The following RBMS3 variants were observed in gnomAD, a reference collection of about 807,000 sequenced individuals.
The protein encoded by RBMS3 is RNA binding motif single stranded interacting protein 3.
Under a neutral mutation model 66.8 loss-of-function variants are expected in RBMS3, and 27 were observed. The observed-to-expected ratio is 0.40, with a 90% CI of 0.30 to 0.56. RBMS3 has a LOEUF of 0.56. Among genes scored for constraint, RBMS3 ranks in the 20% least tolerant of loss-of-function variants. The pLI, the probability that RBMS3 is intolerant of heterozygous loss-of-function variation, is 0.40. For missense variants in RBMS3, 513 were observed against 549.5 expected (o/e 0.93, Z 0.66); for synonymous variants, 188 against 183.0 (o/e 1.03, Z -0.22).
intron 12 of RBMS3, among the ~76,000 whole-genome samples, chr3:29,964,394 C>G (rs73829212): frequency 6.6e-6 from 1 of 152,180 alleles, no homozygotes; most frequent in African/African-American, 2.4e-5. Flanking sequence ...AGCAGAAATA[C>G]AGTGCCAGGA....
At chr3:29,960,276 C>T (rs1298328139) in intron 12 of RBMS3, among the ~76,000 whole-genome samples, 1 of 152,200 alleles carries the variant, frequency 6.6e-6, no homozygotes, top group East Asian at 1.9e-4. Context: ...AATCTCAAAG[C>T]TCCAAAATGA....
chr3:29,952,605 G>T (rs1695757468), intron 12 of RBMS3, among the ~76,000 whole-genome samples: 1 of 151,720 alleles, frequency 6.6e-6, no homozygotes, highest in African/African-American at 2.4e-5. Flanking sequence ...TGCTTAAAAT[G>T]AAATCTGCTG....
At chr3:29,947,256 G>A (rs1398050225) in intron 12 of RBMS3, among the ~76,000 whole-genome samples, 3 of 151,480 alleles carry the variant, frequency 2.0e-5, no homozygotes, top group Non-Finnish European at 4.4e-5. Context: ...AGAAGTTAAG[G>A]GAGTTCATTA....
intron 10 of RBMS3, among the ~76,000 whole-genome samples, chr3:29,919,181 T>G (rs931729499): frequency 6.6e-6 from 1 of 152,148 alleles, no homozygotes; most frequent in South Asian, 2.1e-4. Context: ...ACAGACCTTA[T>G]AATACTACAG....
intron 12 of RBMS3, among the ~76,000 whole-genome samples, chr3:29,976,894 A>C (rs1697626865): frequency 6.6e-6 from 1 of 152,056 alleles, no homozygotes; most frequent in African/African-American, 2.4e-5. Flanking sequence ...TCCTTCAGCT[A>C]CTCACTCAAC....
intron 1 of RBMS3, among the ~76,000 whole-genome samples, chr3:29,410,567 G>A (rs2040222968): frequency 2.0e-5 from 3 of 152,230 alleles, no homozygotes; most frequent in African/African-American, 7.2e-5. Flanking sequence ...CAACCTTAGG[G>A]GAAGTTGTCA....
chr3:29,902,869 C>T (rs975135449), intron 10 of RBMS3, among the ~76,000 whole-genome samples: 1 of 151,840 alleles, frequency 6.6e-6, no homozygotes, highest in African/African-American at 2.4e-5. Flanking sequence ...ATGTCTCAAT[C>T]TGGTTTGTAT....
At chr3:29,780,641 T>C (rs67968268) in intron 6 of RBMS3, among the ~76,000 whole-genome samples, 3,493 of 152,242 alleles carry the variant, frequency 0.023, 59 homozygotes, top group Admixed American at 0.034. Context: ...AAAACCAGTA[T>C]CCTATCTGCA....
intron 11 of RBMS3, among the ~76,000 whole-genome samples, chr3:29,941,340 TA>T (rs753177882): frequency 1.4e-4 from 22 of 151,740 alleles, no homozygotes; most frequent in Non-Finnish European, 2.4e-4. Context: ...TTTTTTCTGT[TA>T]TTAGGTATGA....
At chr3:29,393,571 A>G (rs1183226107) in intron 1 of RBMS3, among the ~76,000 whole-genome samples, 1 of 152,214 alleles carries the variant, frequency 6.6e-6, no homozygotes, top group Non-Finnish European at 1.5e-5. Flanking sequence ...GACATAGGAC[A>G]AAAACTCTAC....
At chr3:29,806,552 T>A (rs1392382440) in intron 6 of RBMS3, among the ~76,000 whole-genome samples, 1 of 151,954 alleles carries the variant, frequency 6.6e-6, no homozygotes, top group Non-Finnish European at 1.5e-5. Context: ...TAAATCTGCT[T>A]GGGTAAGCCT....
At chr3:29,990,983 T>C in intron 13 of RBMS3, 99 bp from the exon 14 acceptor site, 1 of 1,189,726 alleles carries the variant, frequency 8.4e-7, no homozygotes, top group Admixed American at 2.1e-5. Flanking sequence ...TGAGGGTATC[T>C]CTACTTAAGC....
chr3:29,685,605 GATA>G (rs149096748), intron 4 of RBMS3, among the ~76,000 whole-genome samples: 4,124 of 152,206 alleles, frequency 0.027, 78 homozygotes, highest in Admixed American at 0.061. Context: ...CAGAAAAGTA[GATA>G]CACAAAGAGG....
intron 13 of RBMS3, 63 bp downstream of exon 13, chr3:29,988,286 G>GT (rs1231791237): frequency 1.3e-5 from 18 of 1,377,400 alleles, no homozygotes; most frequent in Non-Finnish European, 1.7e-5. Context: ...ATATACTGTA[G>GT]TCCCCCATAA....
At chr3:29,368,324 A>T (rs1326476957) in intron 1 of RBMS3, among the ~76,000 whole-genome samples, 1 of 152,160 alleles carries the variant, frequency 6.6e-6, no homozygotes, top group African/African-American at 2.4e-5. Flanking sequence ...GGGAAGATGA[A>T]ATTGTCCTTA....
At chr3:29,520,572 A>G (rs2044817275) in intron 3 of RBMS3, among the ~76,000 whole-genome samples, 1 of 152,206 alleles carries the variant, frequency 6.6e-6, no homozygotes, top group Non-Finnish European at 1.5e-5. Flanking sequence ...AGTTTAGCCA[A>G]CATAAACTGA....
rs548731918 is a variant in RBMS3 at position 29,301,290 on chromosome 3, G to C, written c.75+19534G>C. ...AATTTATCAGAAAAGTCTAACAAGA[G>C]AGCTTTATTCTTCTTCTATTCTATC... On this transcript the variant is annotated intron_variant, in intron 1 of 14. Coordinates refer to ENST00000383767, the MANE Select transcript of RBMS3 (RefSeq NM_001003793.3). Among the ~76,000 whole-genome samples the C allele has an allele frequency of 6.5e-4, 99 of 151,994 alleles. 1 individual carries two copies. Among genetic ancestry groups the C allele is most frequent in the Non-Finnish European group, 1.0e-3 (71 of 67,942 alleles).
At chr3:29,363,479 C>G (rs1159903983) in intron 1 of RBMS3, among the ~76,000 whole-genome samples, 1 of 152,106 alleles carries the variant, frequency 6.6e-6, no homozygotes, top group Non-Finnish European at 1.5e-5. Flanking sequence ...ACCACAAAGT[C>G]AATTGACACT....
intron 3 of RBMS3, among the ~76,000 whole-genome samples, chr3:29,530,898 C>G (rs2045329600): frequency 6.6e-6 from 1 of 151,428 alleles, no homozygotes; most frequent in South Asian, 2.1e-4. Context: ...TGTTTCAATG[C>G]TTACATAATC....
Sources: allele counts gnomAD v4.1 joint callset (sites outside exome capture counted in the v4.1 genomes callset), GRCh38; gene constraint gnomAD v4.1.1; transcripts MANE v1.5; gene names NCBI Gene and HGNC (gene_info 2026-07-23, HGNC 2026-07-21).